The following MYOM3 variants were observed in gnomAD, a reference collection of about 807,000 sequenced individuals.
MYOM3 encodes myomesin-3.
In MYOM3, 155 loss-of-function variants were observed where a neutral mutation model predicts 191.7. The ratio of observed to expected loss-of-function variants is 0.81; its 90% CI spans 0.71 to 0.92. The LOEUF is 0.92. Among genes scored for constraint, MYOM3 ranks in the 40% least tolerant of loss-of-function variants. The probability of loss-of-function intolerance (pLI) is 0.00; values close to 1 mark genes in which losing one functional copy is unlikely to be tolerated. For synonymous variants in MYOM3, 757 were observed against 762.9 expected, an observed-to-expected ratio of 0.99 and a Z score of 0.13; for missense variants, 1,889 against 1,890.6, an observed-to-expected ratio of 1.00 and a Z score of 0.02.
rs775067755 is a variant in MYOM3, at chr1:24,092,295, C to T, written c.1111G>A (p.Gly371Arg). ...LVRDAEAENPGAPGSPLNVRC... is the reference protein window; with the variant it reads ...LVRDAEAENPRAPGSPLNVRC... ...ACGTTCAGTGGGGAGCCTGGGGCCC[C>T]GGGGTTCTCGGCCTCGGCATCTGAA... is the stretch of plus-strand genomic sequence containing the variant. The change falls in exon 11 of 37, where the codon GGG (glycine) becomes AGG (arginine). Residue 371 changes from glycine (G) to arginine (R), a missense_variant. Coordinates refer to ENST00000374434, the MANE Select transcript of MYOM3 (RefSeq NM_152372.4). The T allele has an allele frequency of 1.3e-5, 17 of 1,357,446 alleles. No individual in the cohort carries two copies. The highest frequency in any genetic ancestry group is 5.6e-5 in the East Asian group (2 of 35,954). The allele number at this position is 1,357,446 out of a possible 1,614,324, so 84.1% of individuals were successfully genotyped here.
rs1209965304 is a variant in MYOM3, at chr1:24,090,096, G to C, written c.1455C>G (p.Asn485Lys). The change falls in exon 13 of 37, where the codon AAC (asparagine) becomes AAG (lysine). Residue 485 changes from asparagine (N) to lysine (K), a missense_variant. Transcript: ENST00000374434. ...RKTEIPFDLG[N>K]KITISTDAFE... ...AAGCGTCTGTGCTGATGGTGATCTTGTTTCCCAGATCAAAGGGGATCTCTA... is the reference window on the plus strand; with the variant it reads ...AAGCGTCTGTGCTGATGGTGATCTTCTTTCCCAGATCAAAGGGGATCTCTA... 6.2e-7 allele frequency: 1 copy of C among 1,613,734 alleles called. No homozygotes were observed. Among genetic ancestry groups the C allele is most frequent in the Non-Finnish European group, 8.5e-7 (1 of 1,179,758 alleles).
In MYOM3 at chr1:24,071,188, C is replaced by T. The variant is rs767362266; in HGVS notation, c.3079G>A (p.Glu1027Lys). The change falls in exon 25 of 37, where the codon GAA becomes AAA. Residue 1027 changes from glutamate (E) to lysine (K), a missense_variant. By Grantham distance (56) the Glu-to-Lys change is moderately conservative (BLOSUM62 1). Coordinates refer to ENST00000374434, the MANE Select transcript of MYOM3 (RefSeq NM_152372.4). The stretch of plus-strand genomic sequence containing the variant: ...GCGGCTGGAGATAACTTTTCTACTT[C>T]CAGCCAAAGCCGCACCTCCCCTCGC... ...LERGEVRLWL[E>K]VEKLSPAAEL... is the part of the protein sequence containing the mutation. 3 of 1,614,118 alleles carry T rather than the reference C, an allele frequency of 1.9e-6. No individual in the cohort carries two copies. The South Asian group carries it at 3.3e-5, about 18-fold the overall frequency.
At chr1:24,066,888 T>C (rs1340604071) in intron 28 of MYOM3, 133 bp downstream of exon 28, 2 of 803,854 alleles carry the variant, frequency 2.5e-6, no homozygotes, top group South Asian at 2.0e-5. Context: ...GGGGGTACTT[T>C]CTGTGTGTGC....
intron 15 of MYOM3, among the ~76,000 whole-genome samples, chr1:24,085,507 C>T (rs1643728141): frequency 6.6e-6 from 1 of 152,160 alleles, no homozygotes. Context: ...TCTTTTGGCC[C>T]CCAAACGTTG....
chr1:24,102,962 G>C (rs576429183), intron 5 of MYOM3, among the ~76,000 whole-genome samples: 2 of 152,296 alleles, frequency 1.3e-5, no homozygotes, highest in East Asian at 3.9e-4. Context: ...GGCAACATGT[G>C]GCCCTGCCTG....
rs1185598837 is a variant in MYOM3, at chr1:24,063,435, T to A, written c.3661+57A>T. ...TAGCCAAGGCCAGTGTTAGGCTGCT[T>A]GGAGGCTGTTGGGCATCAGGGCAGG... On this transcript the variant is annotated intron_variant, in intron 31 of 36. Coordinates refer to ENST00000374434, the MANE Select transcript of MYOM3 (RefSeq NM_152372.4). The surrounding 1 kb of genome is among the most constrained non-coding windows in gnomAD (Gnocchi z 4.5). The A allele has an allele frequency of 1.2e-6, 2 of 1,604,834 alleles. No homozygotes were observed. The highest frequency in any genetic ancestry group is 1.7e-4 in the Middle Eastern group (1 of 5,926).
rs1643811041 is a variant in MYOM3, at chr1:24,090,882, G to A, written c.1347C>T (p.Ala449=). ...EGQSYRFRVR[A]ISRVGSSVPS... is the part of the protein sequence containing the mutation. ...GGACGCTGCTGCCTACCCTGCTGAT[G>A]GCTCTCACCCGGAACCGATAGCTCT... The change falls in exon 12 of 37, where the codon GCC becomes GCT. Residue 449 remains alanine (A), a synonymous_variant. Transcript: ENST00000374434. The A allele has an allele frequency of 6.2e-7, 1 of 1,614,136 alleles. No homozygotes were observed. The highest frequency in any genetic ancestry group is 8.5e-7 in the Non-Finnish European group (1 of 1,179,998).
At chr1:24,065,289 T>A (rs1643420127) in intron 29 of MYOM3, among the ~76,000 whole-genome samples, 1 of 152,186 alleles carries the variant, frequency 6.6e-6, no homozygotes, top group Non-Finnish European at 1.5e-5. Context: ...GGGCACCCAG[T>A]GAGGCCACAG....
intron 20 of MYOM3, among the ~76,000 whole-genome samples, chr1:24,078,679 T>C (rs945363093): frequency 6.6e-6 from 1 of 152,176 alleles, no homozygotes; most frequent in Non-Finnish European, 1.5e-5. Context: ...TGGAAACTAA[T>C]CCACATAACA....
rs1643400412 is a variant in MYOM3 at position 24,063,693 on chromosome 1, T to C, written c.3623-163A>G. On this transcript the variant is annotated intron_variant, in intron 30 of 36. Coordinates refer to ENST00000374434, the MANE Select transcript of MYOM3 (RefSeq NM_152372.4). The surrounding 1 kb of genome is among the most constrained non-coding windows in gnomAD (Gnocchi z 4.5). ...TCATAGCTTGGGGATAGGAGGGGGT[T>C]CAGGGCACTCAGCAATGGGGTGGGC... is the stretch of plus-strand genomic sequence containing the variant. Among the ~76,000 whole-genome samples, 1 of 151,992 alleles carries C rather than the reference T, an allele frequency of 6.6e-6. No individual in the cohort carries two copies. Among genetic ancestry groups the C allele is most frequent in the Admixed American group, 6.6e-5 (1 of 15,264 alleles).
chr1:24,091,531 T>C (rs567424283), intron 11 of MYOM3, among the ~76,000 whole-genome samples: 40 of 152,188 alleles, frequency 2.6e-4, no homozygotes, highest in Non-Finnish European at 5.3e-4. Context: ...TCGTCACATG[T>C]GGGTCCAAGT....
At position 24,111,025 on chromosome 1, in the gene MYOM3, G is replaced by C. The variant is rs1333776073; in HGVS notation, c.-19+1006C>G. Among the ~76,000 whole-genome samples, 6 of 152,216 alleles carry C rather than the reference G, an allele frequency of 3.9e-5. No homozygotes were observed. The East Asian group carries it at 1.2e-3, about 29-fold the overall frequency. On this transcript the variant is annotated intron_variant, in intron 1 of 36. Coordinates refer to ENST00000374434, the MANE Select transcript of MYOM3 (RefSeq NM_152372.4). The surrounding 1 kb of genome is among the most constrained non-coding windows in gnomAD (Gnocchi z 4.7). Reference sequence around the variant, plus strand: ...GGGCCTGGCGCTCGTCCCTGACCTCGGGGCCTCCAGCAACCAGACCCCTGG... The same window carrying C: ...GGGCCTGGCGCTCGTCCCTGACCTCCGGGCCTCCAGCAACCAGACCCCTGG...
chr1:24,088,059 C>T (rs1475603260), intron 14 of MYOM3, among the ~76,000 whole-genome samples: 1 of 152,160 alleles, frequency 6.6e-6, no homozygotes, highest in Admixed American at 6.6e-5. Flanking sequence ...AACCTGTTTA[C>T]TCTCCACAGC....
At chr1:24,101,228 T>C (rs1266868117) in intron 5 of MYOM3, among the ~76,000 whole-genome samples, 1 of 152,088 alleles carries the variant, frequency 6.6e-6, no homozygotes, top group East Asian at 1.9e-4. Context: ...GCCTCTCCAG[T>C]AGTGATGTGG....
intron 5 of MYOM3, 52 bp downstream of exon 5, chr1:24,105,868 A>G: frequency 1.3e-6 from 2 of 1,522,154 alleles, no homozygotes; most frequent in South Asian, 1.3e-5. Context: ...GATGTGAGGA[A>G]CTCACTTGTG....
intron 35 of MYOM3, among the ~76,000 whole-genome samples, chr1:24,060,663 A>T (rs926704865): frequency 6.6e-6 from 1 of 152,136 alleles, no homozygotes. Context: ...AGGCCGTGCC[A>T]TGTGCCTCTG....
In MYOM3 at chr1:24,068,716, T is replaced by C. The variant is rs1452325519; in HGVS notation, c.3151-349A>G. Among the ~76,000 whole-genome samples, 63 of 152,092 alleles carry C rather than the reference T, an allele frequency of 4.1e-4. 1 individual carries two copies. The highest frequency in any genetic ancestry group is 4.0e-3 in the Admixed American group (61 of 15,270). ...TTTCTTTCTTTTTTTGTTTTTTGTTTTTTTCTTGAGACAGTGTCTCACTCC... is the reference window on the plus strand; with the variant it reads ...TTTCTTTCTTTTTTTGTTTTTTGTTCTTTTCTTGAGACAGTGTCTCACTCC... On this transcript the variant is annotated intron_variant, in intron 25 of 36. Transcript: ENST00000374434.
At chr1:24,098,314 G>C (rs1056755090) in intron 6 of MYOM3, among the ~76,000 whole-genome samples, 3 of 152,248 alleles carry the variant, frequency 2.0e-5, no homozygotes, top group African/African-American at 7.2e-5. Context: ...GAGAGGTTAA[G>C]TGACTTTCCC....
intron 35 of MYOM3, 43 bp downstream of exon 35, chr1:24,061,017 C>T: frequency 6.2e-7 from 1 of 1,613,526 alleles, no homozygotes; most frequent in Non-Finnish European, 8.5e-7. Context: ...GAAGTTTGCC[C>T]CAAATTCAGA....
Sources: gnomAD v4.1 joint callset for allele counts (sites outside exome capture counted in the v4.1 genomes callset) on GRCh38, gnomAD v4.1.1 for gene constraint, Gnocchi (gnomAD v3.1) non-coding constraint, MANE v1.5 for transcripts, NCBI Gene and HGNC (gene_info 2026-07-23, HGNC 2026-07-21) for gene names.